DPP10: variants seen among roughly 807,000 people sequenced by gnomAD.
The protein encoded by DPP10 is dipeptidyl peptidase like 10.
A neutral mutation model predicts 120.9 loss-of-function variants in DPP10; 33 were observed. That is an observed-to-expected ratio of 0.27 (90% CI 0.21 to 0.37). DPP10 has a LOEUF of 0.37. Ranked by LOEUF, DPP10 falls within the 10% of genes least tolerant of loss-of-function variation. The pLI is 1.00. For synonymous variants in DPP10, 337 were observed against 326.1 expected, an observed-to-expected ratio of 1.03 and a Z score of -0.36; for missense variants, 816 against 942.8, an observed-to-expected ratio of 0.87 and a Z score of 1.76.
At chr2:115,474,057 G>A (rs1188086157) in intron 3 of DPP10, among the ~76,000 whole-genome samples, 1 of 152,142 alleles carries the variant, frequency 6.6e-6, no homozygotes, top group African/African-American at 2.4e-5. Flanking sequence ...CTTTAACTCA[G>A]GAATGACTCA....
intron 1 of DPP10, among the ~76,000 whole-genome samples, chr2:115,296,200 G>GGAA (rs2060876571): frequency 6.6e-6 from 1 of 152,036 alleles, no homozygotes; most frequent in African/African-American, 2.4e-5. Flanking sequence ...TGGTGGTGAA[G>GGAA]GAAGTGCAGT....
chr2:114,954,721 G>GA (rs926953281), intron 1 of DPP10, among the ~76,000 whole-genome samples: 1 of 151,456 alleles, frequency 6.6e-6, no homozygotes, highest in Non-Finnish European at 1.5e-5. Flanking sequence ...GCCAGACTAA[G>GA]AAAAAAATAT....
chr2:114,765,075 G>A (rs1680594792), intron 1 of DPP10, among the ~76,000 whole-genome samples: 1 of 152,094 alleles, frequency 6.6e-6, no homozygotes, highest in African/African-American at 2.4e-5. Context: ...TACCAGCTCT[G>A]TATATTCCAA....
At chr2:114,751,522 T>G (rs1469921364) in intron 1 of DPP10, among the ~76,000 whole-genome samples, 1 of 152,104 alleles carries the variant, frequency 6.6e-6, no homozygotes, top group African/African-American at 2.4e-5. Context: ...GGCCAGAAAT[T>G]TAATGCAGAT....
chr2:114,557,350 G>A (rs1032203530), intron 1 of DPP10, among the ~76,000 whole-genome samples: 1 of 152,132 alleles, frequency 6.6e-6, no homozygotes, highest in Non-Finnish European at 1.5e-5. Context: ...TGTCTCTGCA[G>A]CCTATAGGTG....
intron 1 of DPP10, chr2:115,064,759 T>G: frequency 7.7e-7 from 1 of 1,304,212 alleles, no homozygotes; most frequent in Non-Finnish European, 1.0e-6. Flanking sequence ...CACTTAGCAA[T>G]GGTCATCACA....
At chr2:114,660,193 C>T (rs1295867551) in intron 1 of DPP10, among the ~76,000 whole-genome samples, 3 of 152,188 alleles carry the variant, frequency 2.0e-5, no homozygotes, top group African/African-American at 7.2e-5. Context: ...TATCGTGTTT[C>T]CTGCCTGATC....
intron 19 of DPP10, among the ~76,000 whole-genome samples, chr2:115,811,792 G>T (rs1316893711): frequency 6.6e-6 from 1 of 152,026 alleles, no homozygotes; most frequent in African/African-American, 2.4e-5. Context: ...TCTAGAAAAT[G>T]GGATTACCTC....
chr2:115,429,056 C>T (rs1339908855), intron 3 of DPP10, among the ~76,000 whole-genome samples: 1 of 151,362 alleles, frequency 6.6e-6, no homozygotes, highest in Non-Finnish European at 1.5e-5. Flanking sequence ...AAGAAATGTA[C>T]AGAAGGGAGA....
chr2:114,483,838 T>C (rs1239274000), intron 1 of DPP10, among the ~76,000 whole-genome samples: 1 of 152,160 alleles, frequency 6.6e-6, no homozygotes, highest in African/African-American at 2.4e-5. Context: ...CTGAAAAATC[T>C]GAATATCTGC....
rs776129732 is a variant in DPP10 at position 115,814,834 on chromosome 2, A to T, written c.1742A>T (p.His581Leu). ...GGCCAGCTGGTTACAGATAAGTTCC[A>T]TATTGACTGGGATTCCGTACTCATT... Reference protein sequence around the residue: ...PGGQLVTDKFHIDWDSVLIDM... With the variant: ...PGGQLVTDKFLIDWDSVLIDM... Residue 581 changes from histidine (H) to leucine (L), a missense_variant, in exon 20 of 26, where the codon CAT becomes CTT. By Grantham distance (99) the His-to-Leu change is moderately conservative (BLOSUM62 -3). This residue lies in a region of DPP10 where 592 missense variants were observed against 649.0 expected (regional missense o/e 0.91). Transcript: ENST00000410059. 3.1e-6 allele frequency: 5 copies of T among 1,594,322 alleles called. No homozygotes were observed. The highest frequency in any genetic ancestry group is 1.7e-5 in the Admixed American group (1 of 59,820).
In DPP10 at chr2:115,709,755, AAAAC is replaced by A. The variant is rs1374038542; in HGVS notation, c.577-18049_577-18046del. Among the ~76,000 whole-genome samples, 6 of 152,092 alleles carry A rather than the reference AAAAC, an allele frequency of 3.9e-5. No homozygotes were observed. The East Asian group carries it at 9.7e-4, about 24-fold the overall frequency. ...TTTACAAAAGAGAGAAAAACAAAACAAAACAAACAAACAAAAAACAGACCCCTAG... is the reference window on the plus strand; with the variant it reads ...TTTACAAAAGAGAGAAAAACAAAACAAAACAAACAAAAAACAGACCCCTAG... On this transcript the variant is annotated intron_variant, in intron 7 of 25. Transcript: ENST00000410059.
At chr2:115,494,006 T>C (rs1466412736) in intron 3 of DPP10, among the ~76,000 whole-genome samples, 1 of 152,140 alleles carries the variant, frequency 6.6e-6, no homozygotes, top group Admixed American at 6.6e-5. Context: ...TGGGGTACAG[T>C]GGTGCAACAT....
intron 5 of DPP10, among the ~76,000 whole-genome samples, chr2:115,581,889 G>A (rs549275578): frequency 8.4e-4 from 128 of 152,202 alleles, no homozygotes; most frequent in African/African-American, 2.3e-3. Context: ...ATCTAGAGGC[G>A]TTACCAGTGG....
chr2:115,572,049 T>C (rs1575210643), intron 5 of DPP10, among the ~76,000 whole-genome samples: 2 of 152,196 alleles, frequency 1.3e-5, no homozygotes, highest in East Asian at 1.9e-4. Flanking sequence ...GTATTGTATA[T>C]TGTACTTTTT....
At chr2:114,758,456 G>A (rs1020732421) in intron 1 of DPP10, among the ~76,000 whole-genome samples, 15 of 152,234 alleles carry the variant, frequency 9.9e-5, no homozygotes, top group African/African-American at 3.6e-4. Context: ...TCATAGCTGT[G>A]TTAATTTATC....
chr2:115,381,343 G>A (rs756069217), intron 3 of DPP10, among the ~76,000 whole-genome samples: 4 of 151,980 alleles, frequency 2.6e-5, no homozygotes, highest in African/African-American at 7.2e-5. Flanking sequence ...AGTTGATCGC[G>A]TCGGCTCCTG....
At chr2:114,743,878 C>T (rs1293968558) in intron 1 of DPP10, among the ~76,000 whole-genome samples, 1 of 151,428 alleles carries the variant, frequency 6.6e-6, no homozygotes, top group Non-Finnish European at 1.5e-5. Flanking sequence ...TGGATGTGAT[C>T]GGGTTCAAAA....
intron 1 of DPP10, among the ~76,000 whole-genome samples, chr2:114,953,981 G>T (rs557455531): frequency 6.6e-5 from 10 of 151,620 alleles, no homozygotes; most frequent in Non-Finnish European, 1.3e-4. Context: ...TATTTGCATG[G>T]GTCAAGACTT....
Sources: allele counts gnomAD v4.1 joint callset (sites outside exome capture counted in the v4.1 genomes callset), GRCh38; gene constraint gnomAD v4.1.1; regional missense constraint gnomAD v4.1.1; transcripts MANE v1.5; gene names NCBI Gene and HGNC (gene_info 2026-07-23, HGNC 2026-07-21).